GIGYF2: variants seen among roughly 807,000 people sequenced by gnomAD.
The protein encoded by GIGYF2 is GRB10 interacting GYF protein 2, also known as GRB10-interacting GYF protein 2.
A neutral mutation model predicts 208.1 loss-of-function variants in GIGYF2; 25 were observed. The observed-to-expected ratio is 0.12, with a 90% CI of 0.09 to 0.17. GIGYF2 has a LOEUF of 0.17. GIGYF2 is among the 10% of genes least tolerant of loss of function. The pLI is 1.00. For synonymous variants in GIGYF2, 534 were observed against 543.8 expected (o/e 0.98, Z 0.25); for missense variants, 1,302 against 1,579.4 (o/e 0.82, Z 2.98).
intron 14 of GIGYF2, among the ~76,000 whole-genome samples, chr2:232,799,682 A>G (rs1363301926): frequency 6.6e-6 from 1 of 152,092 alleles, no homozygotes; most frequent in Non-Finnish European, 1.5e-5. Context: ...ATCATGTGGT[A>G]TTATATTTTT....
At chr2:232,785,411 C>G (rs1452072618) in intron 8 of GIGYF2, among the ~76,000 whole-genome samples, 4 of 152,188 alleles carry the variant, frequency 2.6e-5, no homozygotes, top group Non-Finnish European at 5.9e-5. Context: ...GATCCACTTC[C>G]AGACTCACTC....
chr2:232,794,838 C>G lies in GIGYF2; in HGVS notation c.1373C>G (p.Pro458Arg). Reference sequence around the variant, plus strand: ...ATACTTCCACCTCCTGTTCCCAATCCTAGTCCTACTCTCCGGCCAGTTGAA... The same window carrying G: ...ATACTTCCACCTCCTGTTCCCAATCGTAGTCCTACTCTCCGGCCAGTTGAA... ...LLILPPPVPNPSPTLRPVETP... is the reference protein window; with the variant it reads ...LLILPPPVPNRSPTLRPVETP... The change falls in exon 13 of 29, where the codon CCT (proline) becomes CGT (arginine). Residue 458 changes from proline (P) to arginine (R), a missense_variant. Pro to Arg is a moderately radical substitution (Grantham distance 103, BLOSUM62 -2). Coordinates refer to ENST00000373563, the MANE Select transcript of GIGYF2 (RefSeq NM_001103146.3). 6.2e-7 allele frequency: 1 copy of G among 1,613,742 alleles called. No homozygotes were observed. Among genetic ancestry groups the G allele is most frequent in the Non-Finnish European group, 8.5e-7 (1 of 1,179,650 alleles).
At position 232,817,005 on chromosome 2, in the gene GIGYF2, GGAA is replaced by G. The variant is rs758004438; in HGVS notation, c.2350_2352del (p.Glu784del). 2.9e-5 allele frequency: 47 copies of G among 1,613,516 alleles called. No homozygotes were observed. Among genetic ancestry groups the G allele is most frequent in the Non-Finnish European group, 3.8e-5 (45 of 1,179,596 alleles). The stretch of plus-strand genomic sequence containing the variant: ...AGGAAGAAGAAAGGAAAAGGCGAGA[GGAA>G]GAAGAACTTGCCCGAAGGAAACAGG... On this transcript the variant is annotated inframe_deletion, in exon 20 of 29. Transcript: ENST00000373563.
Position 232,815,510 on chromosome 2 carries a change from G to A in GIGYF2, c.2108-127G>A, listed in dbSNP as rs1700880124. On this transcript the variant is annotated intron_variant, in intron 18 of 28. Transcript: ENST00000373563. Reference sequence around the variant, plus strand: ...CATTGGCAGTTCAGTCTTCTCAGAGGCAAAACAGATGTGTTTGGTGGAGCT... The same window carrying A: ...CATTGGCAGTTCAGTCTTCTCAGAGACAAAACAGATGTGTTTGGTGGAGCT... 3 of 708,636 alleles carry A rather than the reference G, an allele frequency of 4.2e-6. No homozygotes were observed. The South Asian group carries it at 4.5e-5, about 11-fold the overall frequency. 43.9% of individuals were successfully genotyped at this position (708,636 alleles called of 1,614,324 possible).
chr2:232,816,028 G>C (rs1700898506), intron 19 of GIGYF2: 3 of 380,818 alleles, frequency 7.9e-6, no homozygotes, highest in South Asian at 7.3e-5. Flanking sequence ...TTTGTTATAA[G>C]TAACAAGAAT....
chr2:232,714,464 T>C (rs1411112274), intron 2 of GIGYF2, among the ~76,000 whole-genome samples: 1 of 152,182 alleles, frequency 6.6e-6, no homozygotes, highest in African/African-American at 2.4e-5. Flanking sequence ...ATTGCTTTTT[T>C]GGGGGGTGCA....
At chr2:232,731,313 A>G (rs1424763479) in intron 2 of GIGYF2, 1 of 152,244 alleles carries the variant, frequency 6.6e-6, no homozygotes, top group Non-Finnish European at 1.5e-5. Context: ...TATTTTCACA[A>G]ATAGCAAATA....
intron 2 of GIGYF2, among the ~76,000 whole-genome samples, chr2:232,730,744 A>G (rs1574811038): frequency 6.7e-6 from 1 of 148,890 alleles, no homozygotes; most frequent in African/African-American, 2.5e-5. Flanking sequence ...TAAAAATACA[A>G]AAAATTAGCC....
chr2:232,786,131 C>T (rs1362603056), intron 8 of GIGYF2, among the ~76,000 whole-genome samples: 1 of 152,192 alleles, frequency 6.6e-6, no homozygotes, highest in Admixed American at 6.5e-5. Context: ...ATTAATGTAA[C>T]TTTTGAGACA....
chr2:232,768,804 A>T, intron 8 of GIGYF2: 1 of 1,605,686 alleles, frequency 6.2e-7, no homozygotes. Flanking sequence ...AATCTTCGCC[A>T]CAAAAGCACC....
intron 14 of GIGYF2, among the ~76,000 whole-genome samples, chr2:232,803,349 A>G (rs1345938837): frequency 6.6e-6 from 1 of 152,178 alleles, no homozygotes; most frequent in African/African-American, 2.4e-5. Flanking sequence ...CAATAGATAA[A>G]TGTTTTTCTT....
intron 3 of GIGYF2, among the ~76,000 whole-genome samples, chr2:232,739,219 G>A (rs995078936): frequency 7.9e-5 from 12 of 151,928 alleles, no homozygotes; most frequent in African/African-American, 2.4e-4. Flanking sequence ...TTAGCCGGGC[G>A]TGGTGGATTG....
rs769501717 is a variant in GIGYF2 at position 232,768,800 on chromosome 2, C to T, written c.532+7364C>T. Reference sequence around the variant, plus strand: ...CTCGATTTTTTGGCCGGGCAATCTTCGCCACAAAAGCACCTAAATAAGAAA... The same window carrying T: ...CTCGATTTTTTGGCCGGGCAATCTTTGCCACAAAAGCACCTAAATAAGAAA... On this transcript the variant is annotated intron_variant, in intron 8 of 28. Coordinates refer to ENST00000373563, the MANE Select transcript of GIGYF2 (RefSeq NM_001103146.3). The T allele has an allele frequency of 3.1e-5, 50 of 1,604,118 alleles. No homozygotes were observed. Among genetic ancestry groups the T allele is most frequent in the South Asian group, 8.9e-5 (8 of 90,372 alleles).
intron 8 of GIGYF2, chr2:232,771,298 G>A (rs1216035247): frequency 6.2e-7 from 1 of 1,610,450 alleles, no homozygotes; most frequent in Non-Finnish European, 8.5e-7. Context: ...GCCATCCTTG[G>A]TGACCATCCT....
rs1250706296 is a variant in GIGYF2, at chr2:232,754,590, C to G, written c.268-1633C>G. Reference sequence around the variant, plus strand: ...TCCTAGCATAATAATGCAGTTAGCTCTGACCACAATTATTTCAATATTAGA... The same window carrying G: ...TCCTAGCATAATAATGCAGTTAGCTGTGACCACAATTATTTCAATATTAGA... On this transcript the variant is annotated intron_variant, in intron 5 of 28. Coordinates refer to ENST00000373563, the MANE Select transcript of GIGYF2 (RefSeq NM_001103146.3). Among the ~76,000 whole-genome samples, 3 of 152,110 alleles carry G rather than the reference C, an allele frequency of 2.0e-5. No homozygotes were observed. In the East Asian group the frequency reaches 5.8e-4, roughly 29 times the overall value.
At chr2:232,838,387 A>G (rs1559162155) in intron 22 of GIGYF2, among the ~76,000 whole-genome samples, 1 of 152,102 alleles carries the variant, frequency 6.6e-6, no homozygotes, top group Non-Finnish European at 1.5e-5. Context: ...TGGCACAGCA[A>G]TAGGAAGATT....
chr2:232,836,292 A>T (rs866031898), intron 22 of GIGYF2, among the ~76,000 whole-genome samples: 337 of 9,762 alleles, frequency 0.035, 12 homozygotes, highest in African/African-American at 0.088. Context: ...ATATATATAT[A>T]TATATATATA....
At chr2:232,757,389 C>T (rs566141245) in intron 6 of GIGYF2, among the ~76,000 whole-genome samples, 45 of 148,882 alleles carry the variant, frequency 3.0e-4, no homozygotes, top group Middle Eastern at 6.8e-3. Flanking sequence ...AGATGTTAGA[C>T]TAATCTGTAA....
chr2:232,839,962 T>C lies in GIGYF2; in HGVS notation c.2880T>C (p.Leu960=). ...QKLEEERERQ[L]REEQRRQQRE... ...TAGAGGAAGAACGAGAACGGCAGCT[T>C]CGAGAAGAGGTAAAATTTTAAAGTA... Residue 960 remains leucine (L), a synonymous_variant, in exon 23 of 29, where the codon CTT becomes CTC. Transcript: ENST00000373563. The C allele has an allele frequency of 6.2e-7, 1 of 1,613,960 alleles. No individual in the cohort carries two copies. Among genetic ancestry groups the C allele is most frequent in the Non-Finnish European group, 8.5e-7 (1 of 1,179,940 alleles).
Sources: gnomAD v4.1 joint callset for allele counts (sites outside exome capture counted in the v4.1 genomes callset) on GRCh38, gnomAD v4.1.1 for gene constraint, MANE v1.5 for transcripts, NCBI Gene and HGNC (gene_info 2026-07-23, HGNC 2026-07-21) for gene names.